Variants in LRBA observed in about 807,000 individuals in gnomAD.
LRBA encodes the protein LPS responsive beige-like anchor protein.
A neutral mutation model predicts 330.0 loss-of-function variants in LRBA; 176 were observed. The ratio of observed to expected loss-of-function variants is 0.53; its 90% CI spans 0.47 to 0.60. LRBA has a LOEUF of 0.60. LRBA is among the 20% of genes least tolerant of loss of function. LRBA has a pLI of 0.00. For synonymous variants in LRBA, 1,230 were observed against 1,193.0 expected, an observed-to-expected ratio of 1.03 and a Z score of -0.64; for missense variants, 3,259 against 3,444.8, an observed-to-expected ratio of 0.95 and a Z score of 1.35.
chr4:150,906,843 C>T (rs1160270742), intron 11 of LRBA, among the ~76,000 whole-genome samples: 1 of 152,010 alleles, frequency 6.6e-6, no homozygotes, highest in East Asian at 1.9e-4. Flanking sequence ...GGTGTAAATC[C>T]TCAAAATGTG....
chr4:150,688,082 A>G (rs2126938067), intron 36 of LRBA, among the ~76,000 whole-genome samples: 1 of 152,366 alleles, frequency 6.6e-6, no homozygotes, highest in Non-Finnish European at 1.5e-5. Flanking sequence ...CCAAAACAGC[A>G]TGGTACTGGT....
At chr4:150,630,461 T>C (rs1777266929) in intron 37 of LRBA, among the ~76,000 whole-genome samples, 1 of 152,248 alleles carries the variant, frequency 6.6e-6, no homozygotes, top group South Asian at 2.1e-4. Flanking sequence ...ATTTAATATA[T>C]AGTTTAATTC....
chr4:150,864,436 G>C (rs1390782806), intron 22 of LRBA, among the ~76,000 whole-genome samples: 8 of 151,854 alleles, frequency 5.3e-5, no homozygotes, highest in African/African-American at 1.9e-4. Context: ...ACAATAACAA[G>C]AAGAGTGCCA....
At chr4:150,807,066 G>A (rs1448665085) in intron 32 of LRBA, among the ~76,000 whole-genome samples, 2 of 149,774 alleles carry the variant, frequency 1.3e-5, no homozygotes, top group Non-Finnish European at 3.0e-5. Context: ...ATATATACAT[G>A]TATTCATGTA....
intron 37 of LRBA, among the ~76,000 whole-genome samples, chr4:150,643,556 G>A (rs1339284289): frequency 6.6e-6 from 1 of 151,936 alleles, no homozygotes; most frequent in Non-Finnish European, 1.5e-5. Context: ...ATGTGCAGAA[G>A]TTCTAATACA....
intron 2 of LRBA, among the ~76,000 whole-genome samples, chr4:150,953,894 C>A (rs560651312): frequency 1.3e-4 from 19 of 150,630 alleles, no homozygotes; most frequent in East Asian, 4.0e-4. Flanking sequence ...TCTTCCCGGC[C>A]GTCATCCCGT....
chr4:150,562,611 G>A (rs7691594), intron 40 of LRBA, among the ~76,000 whole-genome samples: 9,567 of 151,976 alleles, frequency 0.063, 488 homozygotes, highest in East Asian at 0.18. Context: ...ACAAACTTAA[G>A]TTACATAAAG....
intron 37 of LRBA, among the ~76,000 whole-genome samples, chr4:150,611,451 G>T (rs1436169995): frequency 6.6e-6 from 1 of 152,060 alleles, no homozygotes; most frequent in Non-Finnish European, 1.5e-5. Context: ...TTCATATGAG[G>T]TTCATTAATA....
chr4:150,584,015 G>A, intron 40 of LRBA: 1 of 1,614,010 alleles, frequency 6.2e-7, no homozygotes, highest in Non-Finnish European at 8.5e-7. Context: ...CTCTTTCAGG[G>A]CAAGCCCCAT....
intron 9 of LRBA, among the ~76,000 whole-genome samples, chr4:150,910,330 A>G (rs991498292): frequency 2.0e-5 from 3 of 152,058 alleles, no homozygotes; most frequent in Non-Finnish European, 4.4e-5. Flanking sequence ...GCTCATTTTT[A>G]TATACAATGT....
chr4:150,861,717 G>A (rs1209143054), intron 22 of LRBA, among the ~76,000 whole-genome samples: 2 of 152,008 alleles, frequency 1.3e-5, no homozygotes, highest in Non-Finnish European at 2.9e-5. Context: ...ATTAACCTCA[G>A]CTTACTGTAA....
chr4:150,841,068 A>C, intron 28 of LRBA: 1 of 923,576 alleles, frequency 1.1e-6, no homozygotes, highest in African/African-American at 1.7e-5. Flanking sequence ...TGGAAAAAAC[A>C]AAGGTACATT....
At chr4:150,439,152 C>A (rs1455328788) in intron 44 of LRBA, among the ~76,000 whole-genome samples, 1 of 152,192 alleles carries the variant, frequency 6.6e-6, no homozygotes, top group East Asian at 1.9e-4. Context: ...CACTAGAAGA[C>A]AAATTATATG....
At chr4:150,293,379 T>C (rs1336672345) in intron 53 of LRBA, among the ~76,000 whole-genome samples, 1 of 152,266 alleles carries the variant, frequency 6.6e-6, no homozygotes, top group Non-Finnish European at 1.5e-5. Context: ...ATTTTAATTA[T>C]GCTTAGAAAA....
chr4:150,392,386 C>G (rs1188957496), intron 47 of LRBA, among the ~76,000 whole-genome samples: 2 of 152,128 alleles, frequency 1.3e-5, no homozygotes, highest in Non-Finnish European at 2.9e-5. Context: ...AAAGAGAGAG[C>G]AGAGTGAGTA....
chr4:150,894,262 C>A (rs1052168761), intron 16 of LRBA, among the ~76,000 whole-genome samples: 1 of 152,064 alleles, frequency 6.6e-6, no homozygotes, highest in Non-Finnish European at 1.5e-5. Context: ...ATTCACTGTG[C>A]CTCTCCAGAA....
At chr4:150,752,494 T>G (rs1442535491) in intron 35 of LRBA, among the ~76,000 whole-genome samples, 3 of 152,018 alleles carry the variant, frequency 2.0e-5, no homozygotes, top group African/African-American at 7.2e-5. Context: ...AAAAAAAAAT[T>G]TTTAATGGGC....
intron 50 of LRBA, among the ~76,000 whole-genome samples, chr4:150,318,038 G>A (rs540238649): frequency 1.1e-4 from 16 of 152,264 alleles, no homozygotes; most frequent in South Asian, 8.3e-4. Context: ...GCCATGTTTT[G>A]CCAGTGAGGA....
chr4:150,774,698 G>A (rs1737032213), intron 34 of LRBA, among the ~76,000 whole-genome samples: 1 of 152,028 alleles, frequency 6.6e-6, no homozygotes, highest in African/African-American at 2.4e-5. Context: ...ATATATGTGT[G>A]GACCTGGTTA....
Sources: allele counts gnomAD v4.1 joint callset (sites outside exome capture counted in the v4.1 genomes callset), GRCh38; gene constraint gnomAD v4.1.1; transcripts MANE v1.5; gene names NCBI Gene and HGNC (gene_info 2026-07-23, HGNC 2026-07-21).